MYO18B: variants seen among roughly 807,000 people sequenced by gnomAD.
The protein encoded by MYO18B is unconventional myosin-XVIIIb.
MYO18B carries 204 observed loss-of-function variants against 273.0 expected under a neutral mutation model. The ratio of observed to expected loss-of-function variants is 0.75; its 90% CI spans 0.67 to 0.84. The LOEUF (loss-of-function observed/expected upper bound fraction) is 0.84. MYO18B is among the 40% of genes least tolerant of loss of function. The pLI is 0.00. For synonymous variants in MYO18B, 1,330 were observed against 1,305.7 expected, an observed-to-expected ratio of 1.02 and a Z score of -0.40; for missense variants, 3,212 against 3,287.6, an observed-to-expected ratio of 0.98 and a Z score of 0.56.
At chr22:25,772,554 G>A (rs1242334611) in intron 7 of MYO18B, 44 bp downstream of exon 7, 2 of 1,550,570 alleles carry the variant, frequency 1.3e-6, no homozygotes, top group East Asian at 2.3e-5. Flanking sequence ...GCTGAGGGCA[G>A]GGGGGCCTGG....
At chr22:25,854,825 G>A (rs1017920697) in intron 21 of MYO18B, among the ~76,000 whole-genome samples, 1 of 152,176 alleles carries the variant, frequency 6.6e-6, no homozygotes, top group Non-Finnish European at 1.5e-5. Flanking sequence ...GTTCATTCAT[G>A]TTGTGGCAGG....
chr22:25,773,457 G>T (rs1568998222), intron 7 of MYO18B, among the ~76,000 whole-genome samples: 1 of 151,944 alleles, frequency 6.6e-6, no homozygotes, highest in East Asian at 1.9e-4. Context: ...AGCTACTATG[G>T]GTATTTATTT....
intron 25 of MYO18B, among the ~76,000 whole-genome samples, chr22:25,886,519 TG>T (rs2146254672): frequency 6.6e-6 from 1 of 151,836 alleles, no homozygotes; most frequent in East Asian, 1.9e-4. Flanking sequence ...GGGGTGGGAG[TG>T]GGGGCTTCCC....
chr22:25,825,495 C>T (rs946494622), intron 13 of MYO18B, among the ~76,000 whole-genome samples: 4 of 152,166 alleles, frequency 2.6e-5, no homozygotes, highest in African/African-American at 9.7e-5. Context: ...TCAATGCACC[C>T]TAATCAAGGC....
At position 25,769,358 on chromosome 22, in the gene MYO18B, G is replaced by A. The variant is rs763711242; in HGVS notation, c.1442G>A (p.Arg481Gln). ...LEKDAERPRI[R>Q]KENQDGPAPQ... ...AAGGATGCAGAAAGGCCTCGGATAC[G>A]GAAGGAGAACCAAGACGGGCCAGCC... The change falls in exon 4 of 44, where the codon CGG becomes CAG. Residue 481 changes from arginine (R) to glutamine (Q), a missense_variant. Physicochemically the swap from Arg to Gln is conservative, Grantham distance 43. Transcript: ENST00000335473. The A allele has an allele frequency of 1.3e-5, 21 of 1,576,200 alleles. No individual in the cohort carries two copies. The highest frequency in any genetic ancestry group is 1.7e-4 in the Middle Eastern group (1 of 6,004).
intron 30 of MYO18B, 32 bp from the exon 31 acceptor site, chr22:25,903,599 A>C (rs1222564843): frequency 1.9e-6 from 3 of 1,568,476 alleles, no homozygotes; most frequent in Non-Finnish European, 1.7e-6. Flanking sequence ...TACTCATGTG[A>C]CTCCAGATCT....
Position 26,027,585 on chromosome 22 carries a change from T to C in MYO18B, c.7611T>C (p.Gly2537=). The change falls in exon 43 of 44, where the codon GGT becomes GGC. Residue 2537 remains glycine, a synonymous_variant. Coordinates refer to ENST00000335473, the MANE Select transcript of MYO18B (RefSeq NM_032608.7). This position sits in a 1 kb window ranked among gnomAD's most constrained non-coding sequence, Gnocchi z 4.1. Reference sequence around the variant, plus strand: ...GAATCCCACGACTTGCGGGTGACGGTGGCGAGCGAACGTCCCCCGAGCGGA... The same window carrying C: ...GAATCCCACGACTTGCGGGTGACGGCGGCGAGCGAACGTCCCCCGAGCGGA... ...RPGIPRLAGD[G]GERTSPERRE... is the part of the protein sequence containing the mutation. The C allele has an allele frequency of 6.2e-7, 1 of 1,613,836 alleles. No homozygotes were observed. Among genetic ancestry groups the C allele is most frequent in the Non-Finnish European group, 8.5e-7 (1 of 1,179,856 alleles).
intron 20 of MYO18B, 107 bp downstream of exon 20, chr22:25,847,759 C>A (rs1177742271): frequency 1.3e-6 from 1 of 772,530 alleles, no homozygotes; most frequent in Non-Finnish European, 2.1e-6. Context: ...AGGAGCTTCA[C>A]ACCCAGCATC....
chr22:25,969,574 G>A (rs1230054591), intron 39 of MYO18B, among the ~76,000 whole-genome samples: 2 of 152,108 alleles, frequency 1.3e-5, no homozygotes, highest in African/African-American at 2.4e-5. Context: ...GGCCTACAAA[G>A]TCCAAGATAT....
intron 20 of MYO18B, among the ~76,000 whole-genome samples, chr22:25,849,772 T>C (rs1342894732): frequency 6.6e-6 from 1 of 152,218 alleles, no homozygotes; most frequent in Non-Finnish European, 1.5e-5. Context: ...ATAGCTCATA[T>C]CGCTGAAGGC....
intron 39 of MYO18B, among the ~76,000 whole-genome samples, chr22:25,964,462 C>A (rs576719326): frequency 6.6e-6 from 1 of 152,282 alleles, no homozygotes; most frequent in East Asian, 1.9e-4. Context: ...TGTTCAAGTA[C>A]AATTTTAAAA....
At chr22:26,047,321 T>G in the MYO18B span, among the ~76,000 whole-genome samples, 1 of 152,108 alleles carries the variant, frequency 6.6e-6, no homozygotes, top group East Asian at 1.9e-4. Flanking sequence ...AGAGACGGGG[T>G]TTCACCGTGT....
At chr22:25,799,761 G>C (rs2038327) in intron 12 of MYO18B, among the ~76,000 whole-genome samples, 150,968 of 152,330 alleles carry the variant, frequency 0.99, 74,813 homozygotes, top group East Asian at 1. Flanking sequence ...TTGGAAATTT[G>C]TAGAAGTCAT....
chr22:25,835,320 G>A lies in MYO18B; in HGVS notation c.3085G>A (p.Ala1029Thr), dbSNP rs1429418070. 3 of 1,613,808 alleles carry A rather than the reference G, an allele frequency of 1.9e-6. No individual in the cohort carries two copies. Among genetic ancestry groups the A allele is most frequent in the East Asian group, 4.5e-5 (2 of 44,896 alleles). ...GGTCCGCTTACCAGCTGGAGGAGGT[G>A]CCCAGGATGCCAGAGGCCTTTTCTG... ...SQVRLPAGGG[A>T]QDARGLFWVL... The change falls in exon 17 of 44, where the codon GCC (alanine) becomes ACC (threonine). Residue 1029 changes from alanine to threonine, a missense_variant. Transcript: ENST00000335473.
chr22:25,986,204 C>T (rs1412538158), intron 39 of MYO18B, among the ~76,000 whole-genome samples: 3 of 152,176 alleles, frequency 2.0e-5, no homozygotes, highest in Non-Finnish European at 4.4e-5. Context: ...CTCTCTGAGC[C>T]TCAGCCTGCT....
intron 7 of MYO18B, among the ~76,000 whole-genome samples, chr22:25,776,871 A>G (rs966914159): frequency 1.3e-5 from 2 of 151,408 alleles, no homozygotes; most frequent in Non-Finnish European, 2.9e-5. Flanking sequence ...AGGCTGTATC[A>G]TTCAGCATTC....
At chr22:25,956,615 C>T (rs1217270395) in intron 39 of MYO18B, among the ~76,000 whole-genome samples, 1 of 152,182 alleles carries the variant, frequency 6.6e-6, no homozygotes, top group African/African-American at 2.4e-5. Context: ...CACAGAGCAT[C>T]TAAGAGTGAC....
At chr22:25,821,963 C>T (rs564704118) in intron 12 of MYO18B, among the ~76,000 whole-genome samples, 1 of 152,302 alleles carries the variant, frequency 6.6e-6, no homozygotes, top group East Asian at 1.9e-4. Flanking sequence ...GAATGATTTG[C>T]ACAGTTGATA....
At chr22:25,955,422 C>A in intron 39 of MYO18B, 58 bp downstream of exon 39, 1 of 1,521,948 alleles carries the variant, frequency 6.6e-7, no homozygotes, top group Non-Finnish European at 8.9e-7. Flanking sequence ...TGTGGTAGAC[C>A]CCCCTTTCTT....
Sources: gnomAD v4.1 joint callset for allele counts (sites outside exome capture counted in the v4.1 genomes callset) on GRCh38, gnomAD v4.1.1 for gene constraint, Gnocchi (gnomAD v3.1) non-coding constraint, MANE v1.5 for transcripts, NCBI Gene and HGNC (gene_info 2026-07-23, HGNC 2026-07-21) for gene names.